Variants in TCF20 observed in about 807,000 individuals in gnomAD.
TCF20 encodes transcription factor 20, also known as SPRE-binding protein.
TCF20 carries 3 observed loss-of-function variants against 148.6 expected under a neutral mutation model. The ratio of observed to expected loss-of-function variants is 0.02; its 90% CI spans 0.01 to 0.05. The LOEUF is 0.05. Among genes scored for constraint, TCF20 ranks in the 10% least tolerant of loss-of-function variants. TCF20 has a pLI of 1.00. For missense variants in TCF20, 2,350 were observed against 2,429.3 expected, an observed-to-expected ratio of 0.97 and a Z score of 0.69; for synonymous variants, 1,049 against 909.5, an observed-to-expected ratio of 1.15 and a Z score of -2.76.
chr22:42,219,363 A>AAAAAAAAAAAAAAAAAAAAAAAAAAAAAG (rs1922132572), intron 1 of TCF20, among the ~76,000 whole-genome samples: 1 of 96,272 alleles, frequency 1.0e-5, no homozygotes. Context: ...CTCAAAAAAA[A>AAAAAAAAAAAAAAAAAAAAAAAAAAAAAG]AAAAAAAAAA....
intron 5 of TCF20, among the ~76,000 whole-genome samples, chr22:42,162,913 A>T (rs1198498064): frequency 6.6e-6 from 1 of 152,216 alleles, no homozygotes; most frequent in Non-Finnish European, 1.5e-5. Context: ...GAACACACAC[A>T]GAGGCCATGG....
In TCF20 at chr22:42,214,647, G is replaced by A. The variant is rs186320252; in HGVS notation, c.659C>T (p.Ser220Phe). The A allele has an allele frequency of 2.5e-6, 4 of 1,614,202 alleles. No homozygotes were observed. Among genetic ancestry groups the A allele is most frequent in the Non-Finnish European group, 2.5e-6 (3 of 1,180,036 alleles). ...CACTCTTAACTGGTAACCAGCAGCA[G>A]AGGATGGCAGAGTTGAGGGCCGCTG... ...PMQRPSTLPS[S>F]AAGYQLRVGQ... Residue 220 changes from serine (S) to phenylalanine (F), a missense_variant, in exon 2 of 6, where the codon TCT becomes TTT. Around this residue, in one of 7 missense-constraint regions of TCF20, gnomAD observed 1,641 missense variants for 1,662.6 expected, o/e 0.99. Coordinates refer to ENST00000677622, the MANE Select transcript of TCF20 (RefSeq NM_001378418.1).
chr22:42,176,485 C>T (rs1014091121), intron 3 of TCF20, among the ~76,000 whole-genome samples: 1 of 152,200 alleles, frequency 6.6e-6, no homozygotes, highest in Admixed American at 6.5e-5. Context: ...ACGCCCTCTT[C>T]CCCTTCCCAT....
At chr22:42,332,010 G>A (rs910376872) in intron 1 of TCF20, among the ~76,000 whole-genome samples, 2 of 152,242 alleles carry the variant, frequency 1.3e-5, no homozygotes, top group African/African-American at 4.8e-5. Context: ...CTTGCTGAAG[G>A]AACAGATGAC....
At chr22:42,226,759 CAA>C (rs1466009846) in intron 1 of TCF20, among the ~76,000 whole-genome samples, 2 of 151,952 alleles carry the variant, frequency 1.3e-5, no homozygotes, top group African/African-American at 2.4e-5. Flanking sequence ...AATTAAAATT[CAA>C]AAGATATCAA....
At chr22:42,223,764 G>A (rs1206792187) in intron 1 of TCF20, among the ~76,000 whole-genome samples, 3 of 152,118 alleles carry the variant, frequency 2.0e-5, no homozygotes, top group East Asian at 1.9e-4. Context: ...CACCTGTATC[G>A]TTTGTTTTGT....
In TCF20 at chr22:42,213,855, T is replaced by G. The variant is rs939093829; in HGVS notation, c.1451A>C (p.Lys484Thr). 1 of 1,614,208 alleles carries G rather than the reference T, an allele frequency of 6.2e-7. No homozygotes were observed. The highest frequency in any genetic ancestry group is 8.5e-7 in the Non-Finnish European group (1 of 1,180,018). The change falls in exon 2 of 6, where the codon AAG becomes ACG. Residue 484 changes from lysine (K) to threonine (T), a missense_variant. Physicochemically the swap from Lys to Thr is moderately conservative, Grantham distance 78. Around this residue, in one of 7 missense-constraint regions of TCF20, gnomAD observed 1,641 missense variants for 1,662.6 expected, o/e 0.99. Coordinates refer to ENST00000677622, the MANE Select transcript of TCF20 (RefSeq NM_001378418.1). ...LLSDALTPQK[K>T]TSKRPSSSKK... ...GGAAGATGAGGGCCTCTTGGAGGTC[T>G]TCTTCTGAGGAGTCAGGGCATCAGA...
At chr22:42,199,473 T>G (rs1373751957) in intron 2 of TCF20, among the ~76,000 whole-genome samples, 1 of 152,250 alleles carries the variant, frequency 6.6e-6, no homozygotes, top group Non-Finnish European at 1.5e-5. Flanking sequence ...AGAGAGGTTT[T>G]CTTCAGGCCC....
At chr22:42,332,943 G>A (rs574904263) in intron 1 of TCF20, among the ~76,000 whole-genome samples, 10 of 152,320 alleles carry the variant, frequency 6.6e-5, no homozygotes, top group African/African-American at 1.9e-4. Flanking sequence ...GGAGGAGCAC[G>A]GGGGAGCCTC....
At chr22:42,310,902 C>G (rs1743392930) in intron 1 of TCF20, among the ~76,000 whole-genome samples, 1 of 152,258 alleles carries the variant, frequency 6.6e-6, no homozygotes. Context: ...CAGCGGCAGG[C>G]AGATTGATGA....
chr22:42,232,992 C>T (rs1451599923), intron 1 of TCF20, among the ~76,000 whole-genome samples: 1 of 152,122 alleles, frequency 6.6e-6, no homozygotes, highest in African/African-American at 2.4e-5. Context: ...GCAATCTCGG[C>T]TCAGTGCAAC....
Position 42,279,010 on chromosome 22 carries a change from C to T in TCF20, c.-37+4817G>A, listed in dbSNP as rs540859180. The stretch of plus-strand genomic sequence containing the variant: ...GGTACCCCTTCCCCTGCCCACCTGA[C>T]GACCATTATTCCCATTATCAGTATA... On this transcript the variant is annotated intron_variant, in intron 1 of 5. Transcript: ENST00000359486. The surrounding 1 kb of genome is among the most constrained non-coding windows in gnomAD (Gnocchi z 4.3). Among the ~76,000 whole-genome samples, 7 of 152,300 alleles carry T rather than the reference C, an allele frequency of 4.6e-5. No homozygotes were observed. Among genetic ancestry groups the T allele is most frequent in the African/African-American group, 1.2e-4 (5 of 41,550 alleles).
chr22:42,329,094 G>A (rs932540727), intron 1 of TCF20, among the ~76,000 whole-genome samples: 5 of 152,240 alleles, frequency 3.3e-5, no homozygotes, highest in African/African-American at 1.2e-4. Flanking sequence ...ACAGAGACTG[G>A]TGGGGTCTCC....
rs952710665 is a variant in TCF20, at chr22:42,195,227, G to C, written c.5655+14424C>G. 4.6e-5 allele frequency among the ~76,000 whole-genome samples: 7 copies of C among 151,140 alleles called. No individual in the cohort carries two copies. The South Asian group carries it at 6.3e-4, about 14-fold the overall frequency. Reference sequence around the variant, plus strand: ...GGCAACTCACATTTTTGTCCCCAGAGACATACACTGAAACTCATGAACAAC... The same window carrying C: ...GGCAACTCACATTTTTGTCCCCAGACACATACACTGAAACTCATGAACAAC... On this transcript the variant is annotated intron_variant, in intron 2 of 5. Transcript: ENST00000677622.
At chr22:42,325,624 C>T (rs1433956525) in intron 1 of TCF20, among the ~76,000 whole-genome samples, 1 of 152,172 alleles carries the variant, frequency 6.6e-6, no homozygotes, top group Non-Finnish European at 1.5e-5. Flanking sequence ...CCAGGCATCC[C>T]AGGTAGGCAG....
chr22:42,292,603 G>A lies in TCF20; in HGVS notation c.-37+50876C>T. On this transcript the variant is annotated intron_variant, in intron 1 of 1. Transcript: ENST00000515426. This position sits in a 1 kb window ranked among gnomAD's most constrained non-coding sequence, Gnocchi z 4.9. ...AGAAGAGTGGGCAGCACGGTGGCCT[G>A]GATAAATCCCAGAAGGCATCCCAGA... is the stretch of plus-strand genomic sequence containing the variant. Among the ~76,000 whole-genome samples the A allele has an allele frequency of 6.6e-6, 1 of 152,082 alleles. No homozygotes were observed. The highest frequency in any genetic ancestry group is 3.2e-3 in the Middle Eastern group (1 of 316).
intron 1 of TCF20, among the ~76,000 whole-genome samples, chr22:42,258,780 G>A (rs765945518): frequency 1.3e-5 from 2 of 152,148 alleles, no homozygotes; most frequent in Non-Finnish European, 2.9e-5. Flanking sequence ...ATGATATTCA[G>A]TAGGCCAGGT....
intron 1 of TCF20, among the ~76,000 whole-genome samples, chr22:42,251,692 G>A (rs573460458): frequency 4.7e-5 from 7 of 148,936 alleles, no homozygotes; most frequent in South Asian, 2.1e-4. Flanking sequence ...TAGTAGAGAC[G>A]GGGTTTTGCC....
At chr22:42,310,214 C>T (rs1927508446) in intron 1 of TCF20, among the ~76,000 whole-genome samples, 1 of 152,196 alleles carries the variant, frequency 6.6e-6, no homozygotes, top group African/African-American at 2.4e-5. Context: ...TACATTTCAT[C>T]CCAGGGGCAG....
Sources: allele counts gnomAD v4.1 joint callset (sites outside exome capture counted in the v4.1 genomes callset), GRCh38; gene constraint gnomAD v4.1.1; regional missense constraint gnomAD v4.1.1; non-coding constraint Gnocchi (gnomAD v3.1); transcripts MANE v1.5; gene names NCBI Gene and HGNC (gene_info 2026-07-23, HGNC 2026-07-21).